GBE1: variants seen among roughly 807,000 people sequenced by gnomAD.
GBE1 encodes 1,4-alpha-glucan-branching enzyme.
A neutral mutation model predicts 88.8 loss-of-function variants in GBE1; 70 were observed. The ratio of observed to expected loss-of-function variants is 0.79; its 90% CI spans 0.65 to 0.96. GBE1 has a LOEUF of 0.96. Among genes scored for constraint, GBE1 ranks in the 40% least tolerant of loss-of-function variants. The pLI, the probability that GBE1 is intolerant of heterozygous loss-of-function variation, is 0.00. For synonymous variants in GBE1, 284 were observed against 300.1 expected, an observed-to-expected ratio of 0.95 and a Z score of 0.56; for missense variants, 872 against 871.0, an observed-to-expected ratio of 1.00 and a Z score of -0.01.
intron 14 of GBE1, among the ~76,000 whole-genome samples, chr3:81,511,635 G>T (rs6769105): frequency 0.3 from 45,528 of 151,550 alleles, 7,162 homozygotes; most frequent in East Asian, 0.43. Context: ...CACAATGAGA[G>T]ACCGTTTTAC....
chr3:81,579,132 G>A (rs1273272878), intron 11 of GBE1, among the ~76,000 whole-genome samples: 1 of 151,820 alleles, frequency 6.6e-6, no homozygotes, highest in Non-Finnish European at 1.5e-5. Context: ...CTCATACCAA[G>A]TTGCCCTCTT....
intron 3 of GBE1, among the ~76,000 whole-genome samples, chr3:81,656,419 T>G (rs1316906557): frequency 6.6e-6 from 1 of 152,162 alleles, no homozygotes; most frequent in Non-Finnish European, 1.5e-5. Flanking sequence ...CATTCTCCCC[T>G]AGAACCTCCA....
intron 1 of GBE1, among the ~76,000 whole-genome samples, chr3:81,722,892 G>GTATATATATA (rs201396919): frequency 1.3e-4 from 13 of 102,128 alleles, no homozygotes; most frequent in Middle Eastern, 4.7e-3. Flanking sequence ...GTGTGTGTGT[G>GTATATATATA]TGTGTATATA....
At chr3:81,659,502 A>ATTT (rs35138103) in intron 3 of GBE1, among the ~76,000 whole-genome samples, 2 of 127,052 alleles carry the variant, frequency 1.6e-5, no homozygotes, top group East Asian at 2.3e-4. Context: ...CGCCCGGCTA[A>ATTT]TTTTTTTTTT....
intron 14 of GBE1, among the ~76,000 whole-genome samples, chr3:81,503,446 G>C (rs142961536): frequency 1.3e-5 from 2 of 152,078 alleles, no homozygotes; most frequent in African/African-American, 4.8e-5. Context: ...AAATTAACCC[G>C]GAGGTTGTAA....
At chr3:81,703,792 T>C (rs1006663466) in intron 2 of GBE1, among the ~76,000 whole-genome samples, 2 of 152,044 alleles carry the variant, frequency 1.3e-5, no homozygotes, top group Non-Finnish European at 2.9e-5. Flanking sequence ...GTCTATTTTT[T>C]CTGGTCATTA....
chr3:81,490,473 A>C lies in GBE1; in HGVS notation c.2053-10T>G, dbSNP rs1576117487. The stretch of plus-strand genomic sequence containing the variant: ...TGCTTGGAATGTACACCTACGTCAA[A>C]ACAATTATGTCAGTGCAATTGAAGA... On this transcript the variant is annotated splice_polypyrimidine_tract_variant and intron_variant, in intron 15 of 15. Coordinates refer to ENST00000429644, the MANE Select transcript of GBE1 (RefSeq NM_000158.4). 4 of 1,609,406 alleles carry C rather than the reference A, an allele frequency of 2.5e-6. No homozygotes were observed. The African/African-American group carries it at 5.3e-5, about 22-fold the overall frequency.
intron 12 of GBE1, among the ~76,000 whole-genome samples, chr3:81,545,842 T>A (rs1703199321): frequency 6.6e-6 from 1 of 152,150 alleles, no homozygotes; most frequent in Non-Finnish European, 1.5e-5. Flanking sequence ...CAGATGTGAA[T>A]CATCACTTTG....
chr3:81,659,920 T>G (rs1218429805), intron 3 of GBE1, among the ~76,000 whole-genome samples: 1 of 152,210 alleles, frequency 6.6e-6, no homozygotes, highest in African/African-American at 2.4e-5. Context: ...TAAATATTCT[T>G]TACAAATTAA....
chr3:81,660,792 C>A (rs1705018164), intron 3 of GBE1, among the ~76,000 whole-genome samples: 1 of 151,796 alleles, frequency 6.6e-6, no homozygotes. Flanking sequence ...TTAACAAAAA[C>A]TTAACTGTGA....
At chr3:81,675,470 G>A (rs1043792423) in intron 2 of GBE1, among the ~76,000 whole-genome samples, 8 of 151,978 alleles carry the variant, frequency 5.3e-5, no homozygotes, top group Admixed American at 2.0e-4. Context: ...ATCAGAACAT[G>A]AGAAGACAAC....
At chr3:81,618,140 T>C (rs561605933) in intron 7 of GBE1, among the ~76,000 whole-genome samples, 69 of 152,198 alleles carry the variant, frequency 4.5e-4, no homozygotes, top group Non-Finnish European at 7.4e-5. Context: ...AGAATGTCCA[T>C]TAACCATTCT....
chr3:81,560,972 A>T lies in GBE1; in HGVS notation c.1618+16953T>A, dbSNP rs115053234. ...ATAGTATTATTTTTTCTCATTTATA[A>T]CTTATACTTCTATGGGTACAACTTA... On this transcript the variant is annotated intron_variant, in intron 12 of 15. Coordinates refer to ENST00000429644, the MANE Select transcript of GBE1 (RefSeq NM_000158.4). Among the ~76,000 whole-genome samples the T allele has an allele frequency of 4.3e-3, 648 of 152,076 alleles. 7 individuals carry two copies. Among genetic ancestry groups the T allele is most frequent in the African/African-American group, 0.014 (592 of 41,524 alleles).
In GBE1 at chr3:81,710,232, CTTT is replaced by C. The variant is rs397990331; in HGVS notation, c.144-4622_144-4620del. On this transcript the variant is annotated intron_variant, in intron 1 of 15. Transcript: ENST00000429644. ...TTGTTTTACTCTTAAGGTAATTAAT[CTTT>C]TTTTTTTTTTTTTTTTTGAGACGGA... Among the ~76,000 whole-genome samples the C allele has an allele frequency of 8.6e-5, 8 of 93,228 alleles. No homozygotes were observed. The East Asian group carries it at 1.6e-3, about 19-fold the overall frequency. The allele number at this position is 93,228 out of a possible 152,430, so 61.2% of individuals were successfully genotyped here.
intron 14 of GBE1, among the ~76,000 whole-genome samples, chr3:81,506,424 GAGA>G (rs1702655237): frequency 6.6e-6 from 1 of 152,126 alleles, no homozygotes; most frequent in African/African-American, 2.4e-5. Context: ...CGAGATTGTG[GAGA>G]AGAAGGAACA....
At chr3:81,645,552 T>C (rs902568827) in intron 6 of GBE1, among the ~76,000 whole-genome samples, 1 of 152,160 alleles carries the variant, frequency 6.6e-6, no homozygotes, top group Non-Finnish European at 1.5e-5. Flanking sequence ...AGTGGAGGAT[T>C]TGGAGACAGT....
At chr3:81,532,928 A>C (rs1031946070) in intron 14 of GBE1, among the ~76,000 whole-genome samples, 4 of 151,756 alleles carry the variant, frequency 2.6e-5, no homozygotes, top group Admixed American at 2.0e-4. Context: ...TAATCTCGTT[A>C]TCTCTCCCCT....
At chr3:81,553,850 C>G (rs1703311493) in intron 12 of GBE1, among the ~76,000 whole-genome samples, 1 of 151,972 alleles carries the variant, frequency 6.6e-6, no homozygotes, top group South Asian at 2.1e-4. Context: ...TTCTGAATGC[C>G]AGACTAATAG....
intron 3 of GBE1, among the ~76,000 whole-genome samples, chr3:81,652,263 A>T (rs866633443): frequency 9.2e-5 from 14 of 152,204 alleles, no homozygotes; most frequent in African/African-American, 2.7e-4. Flanking sequence ...TGAAAATATG[A>T]TACCTACTGT....
Sources: allele counts gnomAD v4.1 joint callset (sites outside exome capture counted in the v4.1 genomes callset), GRCh38; gene constraint gnomAD v4.1.1; transcripts MANE v1.5; gene names NCBI Gene and HGNC (gene_info 2026-07-23, HGNC 2026-07-21).